Variants in RFTN1 observed in about 807,000 individuals in gnomAD.
The protein encoded by RFTN1 is raftlin.
Under a neutral mutation model 46.5 loss-of-function variants are expected in RFTN1, and 26 were observed. That is an observed-to-expected ratio of 0.56 (90% CI 0.41 to 0.78). The LOEUF is 0.78. Ranked by LOEUF, RFTN1 falls within the 30% of genes least tolerant of loss-of-function variation. RFTN1 has a pLI of 0.00. For missense variants in RFTN1, 693 were observed against 718.7 expected, an observed-to-expected ratio of 0.96 and a Z score of 0.41; for synonymous variants, 261 against 284.2, an observed-to-expected ratio of 0.92 and a Z score of 0.82.
At chr3:16,491,418 G>C (rs900076937) in intron 2 of RFTN1, among the ~76,000 whole-genome samples, 1 of 152,244 alleles carries the variant, frequency 6.6e-6, no homozygotes, top group Non-Finnish European at 1.5e-5. Context: ...AGAACTGGCA[G>C]GATCTGTAGG....
intron 2 of RFTN1, 99 bp downstream of exon 2, chr3:16,493,626 G>A: frequency 1.7e-6 from 2 of 1,146,538 alleles, no homozygotes; most frequent in South Asian, 1.6e-5. Context: ...TTTCTTCACA[G>A]CCCCCACCCC....
In RFTN1 at chr3:16,460,419, C is replaced by T. The variant is rs2075987697; in HGVS notation, c.146-26382G>A. Reference sequence around the variant, plus strand: ...AAAGACTTGAGGAGGTTCAGGTAGACATTTCATTTGAATTTCCGGAGCCTG... The same window carrying T: ...AAAGACTTGAGGAGGTTCAGGTAGATATTTCATTTGAATTTCCGGAGCCTG... On this transcript the variant is annotated intron_variant, in intron 2 of 9. Coordinates refer to ENST00000334133, the MANE Select transcript of RFTN1 (RefSeq NM_015150.2). The surrounding 1 kb of genome is among the most constrained non-coding windows in gnomAD (Gnocchi z 4.8). Among the ~76,000 whole-genome samples, 2 of 152,098 alleles carry T rather than the reference C, an allele frequency of 1.3e-5. No individual in the cohort carries two copies. Among genetic ancestry groups the T allele is most frequent in the Admixed American group, 6.5e-5 (1 of 15,268 alleles).
At chr3:16,389,386 G>A (rs1194710398) in intron 4 of RFTN1, among the ~76,000 whole-genome samples, 4 of 152,150 alleles carry the variant, frequency 2.6e-5, no homozygotes, top group Non-Finnish European at 5.9e-5. Flanking sequence ...AAATACCCTG[G>A]AGAACACTGG....
At chr3:16,324,962 T>C (rs1024320049) in intron 8 of RFTN1, among the ~76,000 whole-genome samples, 1 of 152,216 alleles carries the variant, frequency 6.6e-6, no homozygotes, top group Non-Finnish European at 1.5e-5. Context: ...GGGTTCTCTT[T>C]TCTCTATACC....
chr3:16,384,480 C>A lies in RFTN1; in HGVS notation c.442-6378G>T, dbSNP rs138319735. 2.4e-3 allele frequency among the ~76,000 whole-genome samples: 358 copies of A among 152,270 alleles called. 1 individual carries two copies. The highest frequency in any genetic ancestry group is 0.01 in the Middle Eastern group (3 of 294). ...TCGATTCCAGGTCCTACGTGAGAGG[C>A]TGAAGTGTGGCAGGGAGGCTTTCAG... is the stretch of plus-strand genomic sequence containing the variant. On this transcript the variant is annotated intron_variant, in intron 4 of 9. Coordinates refer to ENST00000334133, the MANE Select transcript of RFTN1 (RefSeq NM_015150.2). The surrounding 1 kb of genome is among the most constrained non-coding windows in gnomAD (Gnocchi z 4.7).
rs1425364259 is a variant in RFTN1, at chr3:16,473,801, C to G, written c.145+19924G>C. On this transcript the variant is annotated intron_variant, in intron 2 of 9. Transcript: ENST00000334133. This position sits in a 1 kb window ranked among gnomAD's most constrained non-coding sequence, Gnocchi z 5.3. ...ACTCCCTCAGAGACGGAGAGTCCCT[C>G]AAAGTCCTCCCACTTCTCCCTATCC... is the stretch of plus-strand genomic sequence containing the variant. Among the ~76,000 whole-genome samples the G allele has an allele frequency of 6.6e-6, 1 of 152,210 alleles. No individual in the cohort carries two copies. Among genetic ancestry groups the G allele is most frequent in the African/African-American group, 2.4e-5 (1 of 41,466 alleles).
chr3:16,365,028 A>T (rs1331137069), intron 6 of RFTN1, among the ~76,000 whole-genome samples: 1 of 152,264 alleles, frequency 6.6e-6, no homozygotes, highest in East Asian at 1.9e-4. Flanking sequence ...GCTAAACTGC[A>T]ATAAAAGTTT....
At position 16,351,764 on chromosome 3, in the gene RFTN1, AGTT is replaced by A. The variant is rs3830528; in HGVS notation, c.1146+6165_1146+6167del. Among the ~76,000 whole-genome samples, 80 of 152,356 alleles carry A rather than the reference AGTT, an allele frequency of 5.3e-4. No individual in the cohort carries two copies. In the East Asian group the frequency reaches 0.015, roughly 28 times the overall value. On this transcript the variant is annotated intron_variant, in intron 7 of 9. Transcript: ENST00000334133. This position sits in a 1 kb window ranked among gnomAD's most constrained non-coding sequence, Gnocchi z 5.4. ...CATATAAACTATAAGTGCAAAAACA[AGTT>A]GTTTCTCAAAAAACTAAGTTGAATT...
chr3:16,415,430 T>TATATATATATATATACACACACAC, intron 3 of RFTN1, among the ~76,000 whole-genome samples: 2 of 114,348 alleles, frequency 1.7e-5, no homozygotes, highest in South Asian at 2.9e-4. Context: ...TATATATATA[T>TATATATATATATATACACACACAC]ACACACACAC....
In RFTN1 at chr3:16,450,871, T is replaced by C. The variant is rs1015757600; in HGVS notation, c.146-16834A>G. On this transcript the variant is annotated intron_variant, in intron 2 of 9. Coordinates refer to ENST00000334133, the MANE Select transcript of RFTN1 (RefSeq NM_015150.2). This position sits in a 1 kb window ranked among gnomAD's most constrained non-coding sequence, Gnocchi z 4.6. Reference sequence around the variant, plus strand: ...GCAAAGACAGCTCCTAGGTCTCTGGTTTGCATGGACCTGAACAGATAGTGG... The same window carrying C: ...GCAAAGACAGCTCCTAGGTCTCTGGCTTGCATGGACCTGAACAGATAGTGG... 2.0e-5 allele frequency among the ~76,000 whole-genome samples: 3 copies of C among 151,964 alleles called. No homozygotes were observed. The highest frequency in any genetic ancestry group is 2.0e-4 in the Admixed American group (3 of 15,242).
Position 16,338,395 on chromosome 3 carries a change from G to T in RFTN1, c.1147-11519C>A, listed in dbSNP as rs1194833105. ...ACCCGTAGCAGGGACAGGCACTGCA[G>T]TTCTGACTGTGGTTAAGCAACACAA... On this transcript the variant is annotated intron_variant, in intron 7 of 9. Transcript: ENST00000334133. This position sits in a 1 kb window ranked among gnomAD's most constrained non-coding sequence, Gnocchi z 5.3. Among the ~76,000 whole-genome samples the T allele has an allele frequency of 1.3e-5, 2 of 152,248 alleles. No homozygotes were observed. Among genetic ancestry groups the T allele is most frequent in the Non-Finnish European group, 2.9e-5 (2 of 68,040 alleles).
rs1276687457 is a variant in RFTN1 at position 16,380,303 on chromosome 3, T to C, written c.442-2201A>G. ...TAGTTTAGACATTACATATGGCAAGTGCGCCAAAGGATGGGGCACAAAGAC... is the reference window on the plus strand; with the variant it reads ...TAGTTTAGACATTACATATGGCAAGCGCGCCAAAGGATGGGGCACAAAGAC... On this transcript the variant is annotated intron_variant, in intron 4 of 9. Coordinates refer to ENST00000334133, the MANE Select transcript of RFTN1 (RefSeq NM_015150.2). This position sits in a 1 kb window ranked among gnomAD's most constrained non-coding sequence, Gnocchi z 4.8. Among the ~76,000 whole-genome samples, 1 of 152,238 alleles carries C rather than the reference T, an allele frequency of 6.6e-6. No individual in the cohort carries two copies. The highest frequency in any genetic ancestry group is 1.9e-4 in the East Asian group (1 of 5,202).
intron 4 of RFTN1, among the ~76,000 whole-genome samples, chr3:16,406,538 G>A (rs1363143345): frequency 6.6e-6 from 1 of 152,162 alleles, no homozygotes; most frequent in Non-Finnish European, 1.5e-5. Flanking sequence ...CTGCTGCCCT[G>A]GTTTACAAGC....
Position 16,334,710 on chromosome 3 carries a change from C to A in RFTN1, c.1147-7834G>T, listed in dbSNP as rs914048968. Among the ~76,000 whole-genome samples the A allele has an allele frequency of 9.9e-5, 15 of 152,166 alleles. No individual in the cohort carries two copies. Among genetic ancestry groups the A allele is most frequent in the African/African-American group, 3.1e-4 (13 of 41,430 alleles). ...ACTAAATGAAACAGCCTGTGGTAGACAGAATAATGGCCCCAAAGATGTCTA... is the reference window on the plus strand; with the variant it reads ...ACTAAATGAAACAGCCTGTGGTAGAAAGAATAATGGCCCCAAAGATGTCTA... On this transcript the variant is annotated intron_variant, in intron 7 of 9. Coordinates refer to ENST00000334133, the MANE Select transcript of RFTN1 (RefSeq NM_015150.2). The surrounding 1 kb of genome is among the most constrained non-coding windows in gnomAD (Gnocchi z 4.3).
chr3:16,439,485 G>C (rs1226361426), intron 2 of RFTN1, among the ~76,000 whole-genome samples: 1 of 152,164 alleles, frequency 6.6e-6, no homozygotes, highest in Non-Finnish European at 1.5e-5. Context: ...TGAAGACTTT[G>C]GATGGGCAAT....
In RFTN1 at chr3:16,427,215, T is replaced by C. The variant is rs142508506; in HGVS notation, c.332+6636A>G. The stretch of plus-strand genomic sequence containing the variant: ...GATTTCTGGCTTTTCTTGAAAAAAG[T>C]ACAAGACCTGGCAACACCTGATAAC... On this transcript the variant is annotated intron_variant, in intron 3 of 9. Transcript: ENST00000334133. This position sits in a 1 kb window ranked among gnomAD's most constrained non-coding sequence, Gnocchi z 5.4. Among the ~76,000 whole-genome samples the C allele has an allele frequency of 7.2e-5, 11 of 152,248 alleles. No individual in the cohort carries two copies. The East Asian group carries it at 9.7e-4, about 13-fold the overall frequency.
intron 3 of RFTN1, among the ~76,000 whole-genome samples, chr3:16,432,836 T>A (rs2075419588): frequency 6.6e-6 from 1 of 152,176 alleles, no homozygotes; most frequent in African/African-American, 2.4e-5. Context: ...GTAATGTGTG[T>A]TGATGTAGAG....
rs1026979581 is a variant in RFTN1 at position 16,344,566 on chromosome 3, G to T, written c.1146+13366C>A. Reference sequence around the variant, plus strand: ...CCATGTTCTTATTCTTAGATCCCAAGGGCCACCCAAGGTATTCTGTGGCCT... The same window carrying T: ...CCATGTTCTTATTCTTAGATCCCAATGGCCACCCAAGGTATTCTGTGGCCT... On this transcript the variant is annotated intron_variant, in intron 7 of 9. Transcript: ENST00000334133. This position sits in a 1 kb window ranked among gnomAD's most constrained non-coding sequence, Gnocchi z 4.4. Among the ~76,000 whole-genome samples the T allele has an allele frequency of 2.0e-5, 3 of 151,990 alleles. No homozygotes were observed. The highest frequency in any genetic ancestry group is 7.3e-5 in the African/African-American group (3 of 41,362).
In RFTN1 at chr3:16,410,404, G is replaced by A. The variant is rs541386739; in HGVS notation, c.333-921C>T. ...CTTATGTGGATGGGGATGGGGATGG[G>A]TGGTGATGGTATGGGTGTGGGGGTG... On this transcript the variant is annotated intron_variant, in intron 3 of 9. Transcript: ENST00000334133. This position sits in a 1 kb window ranked among gnomAD's most constrained non-coding sequence, Gnocchi z 4.6. 6.6e-6 allele frequency among the ~76,000 whole-genome samples: 1 copy of A among 152,216 alleles called. No homozygotes were observed. Among genetic ancestry groups the A allele is most frequent in the African/African-American group, 2.4e-5 (1 of 41,516 alleles).
Sources: allele counts gnomAD v4.1 joint callset (sites outside exome capture counted in the v4.1 genomes callset), GRCh38; gene constraint gnomAD v4.1.1; non-coding constraint Gnocchi (gnomAD v3.1); transcripts MANE v1.5; gene names NCBI Gene and HGNC (gene_info 2026-07-23, HGNC 2026-07-21).